The following RGS6 variants were observed in gnomAD, a reference collection of about 807,000 sequenced individuals.
The protein encoded by RGS6 is regulator of G protein signaling 6.
Under a neutral mutation model 78.5 loss-of-function variants are expected in RGS6, and 30 were observed. The ratio of observed to expected loss-of-function variants is 0.38; its 90% CI spans 0.29 to 0.52. RGS6 has a LOEUF of 0.52. RGS6 is among the 20% of genes least tolerant of loss of function. The probability of loss-of-function intolerance (pLI) is 0.85; values close to 1 mark genes in which losing one functional copy is unlikely to be tolerated. For missense variants in RGS6, 495 were observed against 609.7 expected (o/e 0.81, Z 1.98); for synonymous variants, 206 against 206.0 (o/e 1.00, Z 0.00).
At chr14:72,034,167 T>C (rs2153351658) in intron 2 of RGS6, among the ~76,000 whole-genome samples, 1 of 152,282 alleles carries the variant, frequency 6.6e-6, no homozygotes, top group Admixed American at 6.5e-5. Context: ...ATGCCATTTA[T>C]TTATTGCCTA....
At chr14:72,205,562 T>C (rs953172365) in intron 2 of RGS6, among the ~76,000 whole-genome samples, 2 of 152,234 alleles carry the variant, frequency 1.3e-5, no homozygotes, top group Non-Finnish European at 2.9e-5. Context: ...TCCAGCCATA[T>C]CTTTATACTT....
chr14:72,369,243 T>C (rs972578368), intron 3 of RGS6, among the ~76,000 whole-genome samples: 3 of 152,144 alleles, frequency 2.0e-5, no homozygotes. Flanking sequence ...AAATTTAGTA[T>C]AGAAAGAAGA....
intron 7 of RGS6, among the ~76,000 whole-genome samples, chr14:72,468,632 C>G (rs555974512): frequency 1.3e-5 from 2 of 152,124 alleles, no homozygotes; most frequent in Non-Finnish European, 2.9e-5. Flanking sequence ...AGAATCATAA[C>G]ATAAACATTC....
chr14:71,969,093 C>G (rs1312062816), intron 2 of RGS6, among the ~76,000 whole-genome samples: 1 of 152,284 alleles, frequency 6.6e-6, no homozygotes, highest in Non-Finnish European at 1.5e-5. Flanking sequence ...TTTGTTCTTG[C>G]AATAGTTTGC....
intron 17 of RGS6, among the ~76,000 whole-genome samples, chr14:72,542,626 G>T (rs542066821): frequency 1.3e-5 from 2 of 152,176 alleles, no homozygotes; most frequent in Non-Finnish European, 2.9e-5. Context: ...GACCAAAGAC[G>T]TGAGGCCAAT....
chr14:72,177,860 C>T (rs2097126872), intron 2 of RGS6, among the ~76,000 whole-genome samples: 2 of 152,232 alleles, frequency 1.3e-5, no homozygotes, highest in African/African-American at 4.8e-5. Flanking sequence ...GTTATCTTAA[C>T]ATCCACAACT....
At chr14:71,907,386 G>A in the RGS6 span, among the ~76,000 whole-genome samples, 3 of 152,118 alleles carry the variant, frequency 2.0e-5, no homozygotes, top group Non-Finnish European at 4.4e-5. Flanking sequence ...AGGGGAAGAC[G>A]GAACATGAGC....
At chr14:72,385,486 G>T (rs1019528195) in intron 3 of RGS6, among the ~76,000 whole-genome samples, 1 of 152,102 alleles carries the variant, frequency 6.6e-6, no homozygotes, top group African/African-American at 2.4e-5. Flanking sequence ...AGGCAATTGG[G>T]GTATATTCCT....
At chr14:72,415,132 G>A (rs771061389) in intron 3 of RGS6, among the ~76,000 whole-genome samples, 13 of 152,254 alleles carry the variant, frequency 8.5e-5, no homozygotes, top group East Asian at 1.9e-4. Context: ...TGCCCTGCCC[G>A]CAGAGGTGGA....
intron 13 of RGS6, among the ~76,000 whole-genome samples, chr14:72,497,551 A>G (rs1000859673): frequency 3.9e-5 from 6 of 152,162 alleles, no homozygotes; most frequent in Middle Eastern, 3.4e-3. Flanking sequence ...TTCTAGTTGT[A>G]TTAACTTTTA....
chr14:72,150,017 G>T (rs1359136421), intron 2 of RGS6, among the ~76,000 whole-genome samples: 1 of 152,164 alleles, frequency 6.6e-6, no homozygotes, highest in Non-Finnish European at 1.5e-5. Flanking sequence ...GACAAGACTG[G>T]TGAGTTGAAT....
In RGS6 at chr14:72,001,378, T is replaced by A. The variant is rs548081547; in HGVS notation, c.84+36503T>A. 1.6e-3 allele frequency among the ~76,000 whole-genome samples: 251 copies of A among 152,202 alleles called. 1 individual carries two copies. Among genetic ancestry groups the A allele is most frequent in the African/African-American group, 5.8e-3 (239 of 41,514 alleles). On this transcript the variant is annotated intron_variant, in intron 2 of 17. Transcript: ENST00000553525. ...ATGCAATTCTGTGAAAATTTAGTTC[T>A]CTCTAGGGCCTTTTCTAGAAAAAAC...
chr14:72,373,529 T>C (rs1200294345), intron 3 of RGS6, among the ~76,000 whole-genome samples: 1 of 152,188 alleles, frequency 6.6e-6, no homozygotes, highest in African/African-American at 2.4e-5. Flanking sequence ...CTGGGTAGTC[T>C]AGGGCATGAA....
At chr14:72,282,691 T>A (rs1423224164) in intron 2 of RGS6, among the ~76,000 whole-genome samples, 1 of 152,242 alleles carries the variant, frequency 6.6e-6, no homozygotes, top group Non-Finnish European at 1.5e-5. Flanking sequence ...CCTGTGAAAC[T>A]ATCATCACAA....
chr14:72,124,978 T>C (rs1227914819), intron 2 of RGS6, among the ~76,000 whole-genome samples: 1 of 152,220 alleles, frequency 6.6e-6, no homozygotes, highest in African/African-American at 2.4e-5. Flanking sequence ...AGGACACCAG[T>C]TGACATTTTC....
intron 2 of RGS6, among the ~76,000 whole-genome samples, chr14:72,129,260 A>G (rs2096266664): frequency 6.6e-6 from 1 of 152,228 alleles, no homozygotes; most frequent in Non-Finnish European, 1.5e-5. Context: ...AAACAAGTGA[A>G]TGAGATAATT....
chr14:72,256,532 C>T (rs537713432), intron 2 of RGS6, among the ~76,000 whole-genome samples: 3 of 152,232 alleles, frequency 2.0e-5, no homozygotes, highest in Non-Finnish European at 4.4e-5. Context: ...TTTAGTTACT[C>T]CTACATTTTA....
rs113199803 is a variant in RGS6 at position 72,163,409 on chromosome 14, T to A, written c.85-188686T>A. ...AGTCACAGTCAACCAGTGATGGAGATGGTAAACCTACTAGGAATCCACAGA... is the reference window on the plus strand; with the variant it reads ...AGTCACAGTCAACCAGTGATGGAGAAGGTAAACCTACTAGGAATCCACAGA... On this transcript the variant is annotated intron_variant, in intron 2 of 17. Coordinates refer to ENST00000553525, the MANE Select transcript of RGS6 (RefSeq NM_001204424.2). 9.2e-4 allele frequency among the ~76,000 whole-genome samples: 140 copies of A among 152,306 alleles called. 4 individuals carry two copies. The highest frequency in any genetic ancestry group is 3.2e-3 in the African/African-American group (134 of 41,572).
At chr14:72,127,175 A>G (rs886926755) in intron 2 of RGS6, among the ~76,000 whole-genome samples, 12 of 152,240 alleles carry the variant, frequency 7.9e-5, no homozygotes, top group African/African-American at 2.9e-4. Flanking sequence ...ATGATTAACA[A>G]TCAAAGTGAT....
Sources: gnomAD v4.1 joint callset for allele counts (sites outside exome capture counted in the v4.1 genomes callset) on GRCh38, gnomAD v4.1.1 for gene constraint, MANE v1.5 for transcripts, NCBI Gene and HGNC (gene_info 2026-07-23, HGNC 2026-07-21) for gene names.